DNAI3: variants seen among roughly 807,000 people sequenced by gnomAD.
DNAI3 encodes the protein dynein axonemal intermediate chain 3, also known as WD repeat domain 63.
DNAI3 carries 83 observed loss-of-function variants against 115.5 expected under a neutral mutation model. The ratio of observed to expected loss-of-function variants is 0.72; its 90% CI spans 0.60 to 0.86. The LOEUF is 0.86. Among genes scored for constraint, DNAI3 ranks in the 40% least tolerant of loss-of-function variants. The pLI is 0.00. For synonymous variants in DNAI3, 320 were observed against 347.0 expected, an observed-to-expected ratio of 0.92 and a Z score of 0.86; for missense variants, 1,004 against 1,075.8, an observed-to-expected ratio of 0.93 and a Z score of 0.93.
At chr1:85,101,499 C>T (rs1385211763) in intron 13 of DNAI3, among the ~76,000 whole-genome samples, 5 of 151,900 alleles carry the variant, frequency 3.3e-5, no homozygotes, top group African/African-American at 1.2e-4. Context: ...CCGAGGCGGG[C>T]AGATCACGAG....
intron 1 of DNAI3, among the ~76,000 whole-genome samples, chr1:85,063,390 G>A (rs1292489856): frequency 6.6e-6 from 1 of 152,144 alleles, no homozygotes; most frequent in Admixed American, 6.5e-5. Context: ...GTCCTCGACT[G>A]TTTGGGAATG....
At chr1:85,075,930 A>G (rs1654438203) in intron 3 of DNAI3, among the ~76,000 whole-genome samples, 1 of 152,180 alleles carries the variant, frequency 6.6e-6, no homozygotes, top group Non-Finnish European at 1.5e-5. Flanking sequence ...AATTGCCACA[A>G]ACTTAGTGGC....
chr1:85,090,079 C>A, intron 7 of DNAI3, 37 bp from the exon 8 acceptor site: 1 of 1,188,994 alleles, frequency 8.4e-7, no homozygotes, highest in Non-Finnish European at 1.2e-6. Flanking sequence ...CTTCTTTGAC[C>A]TAATCTTTAG....
Position 85,072,836 on chromosome 1 carries a change from T to C in DNAI3, c.65-218T>C, listed in dbSNP as rs370965542. On this transcript the variant is annotated intron_variant, in intron 2 of 22. Coordinates refer to ENST00000294664, the MANE Select transcript of DNAI3 (RefSeq NM_145172.5). ...CGGGTGTGGTGGCGGGCGCCTCTAG[T>C]CCCAGCTACTCGGGAGGCTGAGGCA... 7.2e-3 allele frequency among the ~76,000 whole-genome samples: 1,069 copies of C among 149,116 alleles called. 34 individuals carry two copies. The East Asian group carries it at 0.088, about 12-fold the overall frequency.
At chr1:85,107,055 G>A (rs774022062) in intron 14 of DNAI3, among the ~76,000 whole-genome samples, 3 of 152,110 alleles carry the variant, frequency 2.0e-5, no homozygotes, top group Non-Finnish European at 4.4e-5. Context: ...CCACTACAAT[G>A]GCTATAATCA....
In DNAI3 at chr1:85,094,429, A is replaced by G; in HGVS notation, c.1049-2A>G. 6.2e-7 allele frequency: 1 copy of G among 1,614,040 alleles called. No homozygotes were observed. Among genetic ancestry groups the G allele is most frequent in the Non-Finnish European group, 8.5e-7 (1 of 1,179,972 alleles). The stretch of plus-strand genomic sequence containing the variant: ...TTTAATTTCTACATGTGTTTCCATC[A>G]GGGCTAATAGCTGTGTCGGTAGCCG... On this transcript the variant is annotated splice_acceptor_variant, in intron 9 of 22. Coordinates refer to ENST00000294664, the MANE Select transcript of DNAI3 (RefSeq NM_145172.5). LOFTEE classifies it high-confidence loss of function.
At chr1:85,126,457 C>G in intron 19 of DNAI3, 54 bp from the exon 20 acceptor site, 1 of 1,534,578 alleles carries the variant, frequency 6.5e-7, no homozygotes, top group Non-Finnish European at 8.8e-7. Flanking sequence ...GGTGAATTTC[C>G]CTCAGATAAT....
intron 19 of DNAI3, among the ~76,000 whole-genome samples, chr1:85,124,563 C>T (rs11161532): frequency 0.63 from 96,281 of 152,018 alleles, 31,749 homozygotes; most frequent in South Asian, 0.83. Flanking sequence ...CAAGGTCTCA[C>T]TGTGTGGTCC....
intron 16 of DNAI3, among the ~76,000 whole-genome samples, chr1:85,117,305 A>G (rs1179594864): frequency 1.3e-5 from 2 of 152,204 alleles, no homozygotes; most frequent in Non-Finnish European, 2.9e-5. Flanking sequence ...TCTGGGAGAC[A>G]TGATAATGGA....
At chr1:85,082,226 A>T (rs1380769525) in intron 4 of DNAI3, 74 bp from the exon 5 acceptor site, 1 of 1,198,996 alleles carries the variant, frequency 8.3e-7, no homozygotes, top group Non-Finnish European at 1.2e-6. Context: ...GCGAAATGTG[A>T]ATTTTGTGTT....
chr1:85,092,547 C>G (rs1348645184), intron 8 of DNAI3, among the ~76,000 whole-genome samples: 1 of 151,978 alleles, frequency 6.6e-6, no homozygotes, highest in Non-Finnish European at 1.5e-5. Context: ...GTATGCAGAG[C>G]TTTCAGATCT....
chr1:85,064,957 C>T (rs542419792), intron 1 of DNAI3, among the ~76,000 whole-genome samples: 10 of 152,176 alleles, frequency 6.6e-5, no homozygotes, highest in African/African-American at 2.2e-4. Flanking sequence ...CGCTTGAACC[C>T]GGGAGGCGGA....
chr1:85,072,021 C>T lies in DNAI3; in HGVS notation c.64+16C>T, dbSNP rs1383708174. On this transcript the variant is annotated intron_variant, in intron 2 of 22. Coordinates refer to ENST00000294664, the MANE Select transcript of DNAI3 (RefSeq NM_145172.5). ...GTATTAGCTGGTAGGAATATTTCTT[C>T]ATTGAATGGGATTTTTTGTGGAGTA... 1 of 1,601,866 alleles carries T rather than the reference C, an allele frequency of 6.2e-7. No homozygotes were observed. The highest frequency in any genetic ancestry group is 1.8e-5 in the Admixed American group (1 of 56,242).
intron 16 of DNAI3, among the ~76,000 whole-genome samples, chr1:85,115,891 A>G (rs1473705947): frequency 2.0e-5 from 3 of 152,142 alleles, no homozygotes; most frequent in Non-Finnish European, 4.4e-5. Flanking sequence ...TGCTGTGCTG[A>G]CCAGTTCCTA....
At chr1:85,080,669 G>T (rs1374603903) in intron 3 of DNAI3, among the ~76,000 whole-genome samples, 1 of 152,126 alleles carries the variant, frequency 6.6e-6, no homozygotes, top group East Asian at 1.9e-4. Flanking sequence ...TAAACAAGTG[G>T]TCATACCTTC....
chr1:85,128,542 A>T (rs1030162142), intron 20 of DNAI3, among the ~76,000 whole-genome samples, 166 bp from the exon 21 acceptor site: 1 of 152,228 alleles, frequency 6.6e-6, no homozygotes, highest in Admixed American at 6.5e-5. Flanking sequence ...TGACTTGTAC[A>T]TGTTTACATG....
chr1:85,109,345 G>A lies in DNAI3; in HGVS notation c.1699-703G>A, dbSNP rs575620192. On this transcript the variant is annotated intron_variant, in intron 15 of 22. Coordinates refer to ENST00000294664, the MANE Select transcript of DNAI3 (RefSeq NM_145172.5). ...TTGTATTTGCTCCCAATGGAAGAGAGAACATGGAGGAATAAGAATATTGCT... is the reference window on the plus strand; with the variant it reads ...TTGTATTTGCTCCCAATGGAAGAGAAAACATGGAGGAATAAGAATATTGCT... Among the ~76,000 whole-genome samples, 4 of 152,294 alleles carry A rather than the reference G, an allele frequency of 2.6e-5. No homozygotes were observed. In the South Asian group the frequency reaches 8.3e-4, roughly 32 times the overall value.
chr1:85,109,687 C>T (rs1485870688), intron 15 of DNAI3, among the ~76,000 whole-genome samples: 1 of 152,076 alleles, frequency 6.6e-6, no homozygotes, highest in Non-Finnish European at 1.5e-5. Flanking sequence ...TTTCTGGGGT[C>T]TCATTTAACT....
At chr1:85,092,269 G>A (rs1655000725) in intron 8 of DNAI3, among the ~76,000 whole-genome samples, 1 of 152,170 alleles carries the variant, frequency 6.6e-6, no homozygotes, top group Non-Finnish European at 1.5e-5. Context: ...TTAACCAAGG[G>A]AGGACTCAAT....
Sources: gnomAD v4.1 joint callset for allele counts (sites outside exome capture counted in the v4.1 genomes callset) on GRCh38, gnomAD v4.1.1 for gene constraint, MANE v1.5 for transcripts, NCBI Gene and HGNC (gene_info 2026-07-23, HGNC 2026-07-21) for gene names.